The following CDH13 variants were observed in gnomAD, a reference collection of about 807,000 sequenced individuals.
CDH13 encodes the protein cadherin 13, also known as cadherin-13.
In CDH13, 24 loss-of-function variants were observed where a neutral mutation model predicts 63.8. The observed-to-expected ratio is 0.38, with a 90% confidence interval of 0.27 to 0.53. CDH13 has a LOEUF of 0.53. Among genes scored for constraint, CDH13 ranks in the 20% least tolerant of loss-of-function variants. The pLI, the probability that CDH13 is intolerant of heterozygous loss-of-function variation, is 0.85. For missense variants in CDH13, 1,049 were observed against 903.1 expected (o/e 1.16, Z -2.07); for synonymous variants, 503 against 355.3 (o/e 1.42, Z -4.67).
intron 2 of CDH13, among the ~76,000 whole-genome samples, chr16:82,941,003 G>T (rs1462083361): frequency 2.6e-5 from 4 of 152,120 alleles, no homozygotes; most frequent in Admixed American, 2.6e-4. Context: ...CTGAAATGTT[G>T]CTTTGTAGAT....
chr16:82,693,637 A>G (rs147598379), intron 1 of CDH13, among the ~76,000 whole-genome samples: 1 of 152,348 alleles, frequency 6.6e-6, no homozygotes, highest in African/African-American at 2.4e-5. Flanking sequence ...CATCCAAATG[A>G]TAAGTTGCTG....
intron 6 of CDH13, among the ~76,000 whole-genome samples, chr16:83,386,399 C>T (rs11645453): frequency 0.11 from 16,303 of 152,186 alleles, 1,134 homozygotes; most frequent in Non-Finnish European, 0.16. Flanking sequence ...CAGCTTTCTT[C>T]CCATGGCTCA....
At chr16:82,956,139 G>T (rs374292806) in intron 2 of CDH13, among the ~76,000 whole-genome samples, 1 of 150,956 alleles carries the variant, frequency 6.6e-6, no homozygotes, top group South Asian at 2.1e-4. Flanking sequence ...CAAATCAAGG[G>T]TGCTACTCAC....
intron 4 of CDH13, among the ~76,000 whole-genome samples, chr16:83,207,846 C>A (rs1279029163): frequency 6.7e-5 from 10 of 149,730 alleles, no homozygotes; most frequent in African/African-American, 2.5e-4. Flanking sequence ...AAAAACCCAA[C>A]AATGAACATT....
chr16:82,978,064 T>C (rs1024482198), intron 2 of CDH13, among the ~76,000 whole-genome samples: 3 of 151,062 alleles, frequency 2.0e-5, no homozygotes, highest in Admixed American at 1.3e-4. Context: ...CATTTTCCCC[T>C]GCCCTAGAGA....
chr16:83,182,814 T>C (rs1015647307), intron 4 of CDH13, among the ~76,000 whole-genome samples: 6 of 152,212 alleles, frequency 3.9e-5, no homozygotes, highest in African/African-American at 1.2e-4. Flanking sequence ...TGAGACTGAT[T>C]TCCCACGTCA....
chr16:82,942,102 A>G lies in CDH13; in HGVS notation c.157+83629A>G, dbSNP rs560308880. Among the ~76,000 whole-genome samples, 3 of 152,254 alleles carry G rather than the reference A, an allele frequency of 2.0e-5. No individual in the cohort carries two copies. The South Asian group carries it at 6.2e-4, about 32-fold the overall frequency. Reference sequence around the variant, plus strand: ...GCTTATTGCTTCTTGTGTCCTGTTTAAGAAATATTTGCATACCCCAAGGTC... The same window carrying G: ...GCTTATTGCTTCTTGTGTCCTGTTTGAGAAATATTTGCATACCCCAAGGTC... On this transcript the variant is annotated intron_variant, in intron 2 of 13. Transcript: ENST00000567109.
At chr16:83,067,942 G>A (rs1202552437) in intron 3 of CDH13, among the ~76,000 whole-genome samples, 1 of 152,020 alleles carries the variant, frequency 6.6e-6, no homozygotes, top group African/African-American at 2.4e-5. Flanking sequence ...AATATCCCTG[G>A]CCTGGGCTTA....
intron 3 of CDH13, among the ~76,000 whole-genome samples, chr16:83,120,759 C>CTTTTTTTTT (rs1476338366): frequency 2.2e-5 from 1 of 45,952 alleles, no homozygotes; most frequent in African/African-American, 1.2e-4. Flanking sequence ...CTCTAATTTT[C>CTTTTTTTTT]TTTCTTTTTT....
In CDH13 at chr16:83,796,300, A is replaced by G. The variant is rs1172780473; in HGVS notation, c.*1270A>G. 1 of 152,232 alleles carries G rather than the reference A, an allele frequency of 6.6e-6. No individual in the cohort carries two copies. The highest frequency in any genetic ancestry group is 1.5e-5 in the Non-Finnish European group (1 of 68,034). The allele number at this position is 152,232 out of a possible 1,614,324, so 9.4% of individuals were successfully genotyped here. ...TAGTGACAGCTTGTGGCTTTTTATT[A>G]GAGCTCGCCACGAACTAGGGTAAGG... On this transcript the variant is annotated 3_prime_UTR_variant, in exon 14 of 14. Coordinates refer to ENST00000567109, the MANE Select transcript of CDH13 (RefSeq NM_001257.5).
At chr16:82,885,971 A>G (rs968822453) in intron 2 of CDH13, among the ~76,000 whole-genome samples, 1 of 152,222 alleles carries the variant, frequency 6.6e-6, no homozygotes, top group Non-Finnish European at 1.5e-5. Context: ...CTAACTTAAC[A>G]GAGTTTTCAA....
chr16:82,641,759 C>G (rs557889531), intron 1 of CDH13, among the ~76,000 whole-genome samples: 1 of 152,298 alleles, frequency 6.6e-6, no homozygotes, highest in South Asian at 2.1e-4. Context: ...GAGTGCTCAA[C>G]ACTTTTCTAG....
chr16:82,816,044 T>G (rs942288052), intron 1 of CDH13, among the ~76,000 whole-genome samples: 3 of 152,124 alleles, frequency 2.0e-5, no homozygotes, highest in Admixed American at 2.0e-4. Context: ...GATACATTGT[T>G]GTCAGAAACA....
intron 10 of CDH13, among the ~76,000 whole-genome samples, chr16:83,700,917 G>A (rs3784949): frequency 6.6e-6 from 1 of 152,068 alleles, no homozygotes; most frequent in African/African-American, 2.4e-5. Context: ...ACTAATTTTT[G>A]ATTAACAAGG....
intron 2 of CDH13, among the ~76,000 whole-genome samples, chr16:83,027,447 T>C (rs576257062): frequency 6.6e-6 from 1 of 152,240 alleles, no homozygotes; most frequent in East Asian, 1.9e-4. Context: ...AGAAATGCCT[T>C]CTGCAGAGAG....
intron 5 of CDH13, among the ~76,000 whole-genome samples, chr16:83,250,987 G>A (rs546912409): frequency 1.5e-4 from 23 of 152,134 alleles, no homozygotes; most frequent in Middle Eastern, 3.4e-3. Flanking sequence ...TTATATGCTC[G>A]GTGGTTCGGT....
At chr16:83,283,848 C>A (rs1398121058) in intron 5 of CDH13, among the ~76,000 whole-genome samples, 1 of 152,102 alleles carries the variant, frequency 6.6e-6, no homozygotes, top group Non-Finnish European at 1.5e-5. Context: ...GTAATAATAT[C>A]TTTATATCCA....
In CDH13 at chr16:83,217,705, G is replaced by A. The variant is rs538469368; in HGVS notation, c.636+208G>A. Among the ~76,000 whole-genome samples, 186 of 152,254 alleles carry A rather than the reference G, an allele frequency of 1.2e-3. 2 individuals are homozygous for A. The highest frequency in any genetic ancestry group is 4.5e-3 in the African/African-American group (185 of 41,556). On this transcript the variant is annotated intron_variant, in intron 5 of 13. Coordinates refer to ENST00000567109, the MANE Select transcript of CDH13 (RefSeq NM_001257.5). ...TTATCTCATCAGTAGAGCCCTCCAG[G>A]CCTGCATCAGACTTTGGGTACCAGA...
chr16:83,180,090 A>G (rs1348673458), intron 4 of CDH13, among the ~76,000 whole-genome samples: 2 of 152,174 alleles, frequency 1.3e-5, no homozygotes, highest in African/African-American at 2.4e-5. Context: ...GAGCATAGTG[A>G]TTGTTGTGTT....
Sources: allele counts gnomAD v4.1 joint callset (sites outside exome capture counted in the v4.1 genomes callset), GRCh38; gene constraint gnomAD v4.1.1; transcripts MANE v1.5; gene names NCBI Gene and HGNC (gene_info 2026-07-23, HGNC 2026-07-21).